Variants in UXS1 observed in about 807,000 individuals in gnomAD.
The protein encoded by UXS1 is UDP-glucuronic acid decarboxylase 1.
UXS1 carries 33 observed loss-of-function variants against 62.6 expected under a neutral mutation model. The observed-to-expected ratio is 0.53, with a 90% CI of 0.40 to 0.70. UXS1 has a LOEUF of 0.70. UXS1 is among the 30% of genes least tolerant of loss of function. The pLI, the probability that UXS1 is intolerant of heterozygous loss-of-function variation, is 0.00. For missense variants in UXS1, 434 were observed against 556.3 expected (o/e 0.78, Z 2.21); for synonymous variants, 213 against 206.8 (o/e 1.03, Z -0.26).
At chr2:106,162,297 T>C (rs17032542) in intron 4 of UXS1, among the ~76,000 whole-genome samples, 3,077 of 152,318 alleles carry the variant, frequency 0.02, 41 homozygotes, top group Admixed American at 0.05. Context: ...TTTGTGCTTC[T>C]CCATCCAGTT....
Position 106,094,150 on chromosome 2 carries a change from A to G in UXS1, c.1154T>C (p.Leu385Pro). The G allele has an allele frequency of 6.2e-7, 1 of 1,610,440 alleles. No individual in the cohort carries two copies. Among genetic ancestry groups the G allele is most frequent in the Non-Finnish European group, 8.5e-7 (1 of 1,179,380 alleles). ...LMLGWEPVVPLEEGLNKAIHY... is the reference protein window; with the variant it reads ...LMLGWEPVVPPEEGLNKAIHY... ...AATTGCTTTGTTTAAACCTTCCTCC[A>G]GCGGGACCTGTTTAAAGGGAAAGCA... Residue 385 changes from leucine to proline, a missense_variant, in exon 15 of 15, where the codon CTG becomes CCG. Physicochemically the swap from Leu to Pro is moderately conservative, Grantham distance 98 (BLOSUM62 -3). Around this residue, in one of 3 missense-constraint regions of UXS1, gnomAD observed 209 missense variants for 233.3 expected, o/e 0.90. Transcript: ENST00000283148.
chr2:106,162,031 A>C (rs1682930093), intron 4 of UXS1, among the ~76,000 whole-genome samples: 1 of 152,214 alleles, frequency 6.6e-6, no homozygotes, highest in East Asian at 1.9e-4. Flanking sequence ...GAGTCAGGAA[A>C]AGTAAGCTAG....
intron 1 of UXS1, among the ~76,000 whole-genome samples, chr2:106,180,795 G>C (rs1447107754): frequency 6.6e-6 from 1 of 152,166 alleles, no homozygotes; most frequent in Non-Finnish European, 1.5e-5. Context: ...CTTTGATCCT[G>C]CAAATTACTA....
intron 14 of UXS1, among the ~76,000 whole-genome samples, chr2:106,095,951 G>A (rs756332194): frequency 1.3e-5 from 2 of 152,200 alleles, no homozygotes; most frequent in Non-Finnish European, 2.9e-5. Context: ...GGCAGCAGCC[G>A]CCCCACCCTG....
intron 1 of UXS1, among the ~76,000 whole-genome samples, chr2:106,190,561 C>G (rs1684856511): frequency 6.6e-6 from 1 of 152,046 alleles, no homozygotes; most frequent in African/African-American, 2.4e-5. Context: ...GCCTGACCAA[C>G]ATGGAGAAAC....
chr2:106,184,528 A>C (rs980660065), intron 1 of UXS1, among the ~76,000 whole-genome samples: 3 of 152,210 alleles, frequency 2.0e-5, no homozygotes, highest in Non-Finnish European at 4.4e-5. Context: ...ACAGTTATGA[A>C]GGTTGGGAAG....
rs1313034781 is a variant in UXS1, at chr2:106,094,151, G to GC, written c.1152dup (p.Leu385AlafsTer14). On this transcript the variant is annotated frameshift_variant, in exon 15 of 15. Coordinates refer to ENST00000283148, the MANE Select transcript of UXS1 (RefSeq NM_001253875.2). LOFTEE classifies it high-confidence loss of function. ...ATTGCTTTGTTTAAACCTTCCTCCA[G>GC]CGGGACCTGTTTAAAGGGAAAGCAA... The GC allele has an allele frequency of 6.2e-7, 1 of 1,609,608 alleles. No individual in the cohort carries two copies. The highest frequency in any genetic ancestry group is 2.2e-5 in the East Asian group (1 of 44,714).
Position 106,094,012 on chromosome 2 carries a change from TA to T in UXS1, c.*13del. ...AGTGTACAATGGTAGTCTTGTGTCC[TA>T]AAAGTGAGGAGTTCAGCTGTGGCGA... On this transcript the variant is annotated 3_prime_UTR_variant, in exon 15 of 15. Transcript: ENST00000283148. 3.7e-6 allele frequency: 6 copies of T among 1,603,682 alleles called. No individual in the cohort carries two copies. Among genetic ancestry groups the T allele is most frequent in the Non-Finnish European group, 4.2e-6 (5 of 1,177,290 alleles).
chr2:106,187,834 G>A (rs371493666), intron 1 of UXS1, among the ~76,000 whole-genome samples: 119 of 150,992 alleles, frequency 7.9e-4, no homozygotes, highest in Admixed American at 2.5e-3. Flanking sequence ...TTCCGCCTCC[G>A]GGTTCACGAG....
chr2:106,119,458 AACTGAGATTAAACGG>A (rs1679341167), intron 9 of UXS1, among the ~76,000 whole-genome samples: 1 of 152,116 alleles, frequency 6.6e-6, no homozygotes, highest in African/African-American at 2.4e-5. Context: ...GCGGGGAATT[AACTGAGATTAAACGG>A]ACTGAGCCCT....
chr2:106,156,505 A>G (rs1368825808), intron 5 of UXS1, among the ~76,000 whole-genome samples: 4 of 152,212 alleles, frequency 2.6e-5, no homozygotes, highest in East Asian at 3.8e-4. Flanking sequence ...GAGTCACCCT[A>G]TGACACATAT....
intron 1 of UXS1, among the ~76,000 whole-genome samples, chr2:106,175,404 T>TAATAA (rs1177241030): frequency 6.6e-6 from 1 of 152,220 alleles, no homozygotes; most frequent in Non-Finnish European, 1.5e-5. Context: ...GGAGCCTTTA[T>TAATAA]ACCCAAAGGG....
intron 1 of UXS1, among the ~76,000 whole-genome samples, chr2:106,169,978 G>C (rs1436431911): frequency 6.6e-6 from 1 of 152,174 alleles, no homozygotes; most frequent in Non-Finnish European, 1.5e-5. Context: ...ATATGGACCA[G>C]ATCCACTTCT....
intron 13 of UXS1, 31 bp from the exon 14 acceptor site, chr2:106,096,852 G>C: frequency 6.4e-7 from 1 of 1,551,862 alleles, no homozygotes. Flanking sequence ...AAAGGTAGGA[G>C]AGAATCACAA....
At chr2:106,174,099 G>C (rs1156926928) in intron 1 of UXS1, among the ~76,000 whole-genome samples, 1 of 151,044 alleles carries the variant, frequency 6.6e-6, no homozygotes, top group Non-Finnish European at 1.5e-5. Context: ...TGGGGGGGGC[G>C]GGGGCGGGAT....
chr2:106,122,023 T>C (rs1020310020), intron 9 of UXS1, among the ~76,000 whole-genome samples: 5 of 152,234 alleles, frequency 3.3e-5, no homozygotes, highest in African/African-American at 1.2e-4. Context: ...TCCTGGATGC[T>C]GGCCATGCTG....
intron 1 of UXS1, among the ~76,000 whole-genome samples, chr2:106,178,480 G>GTA (rs56154825): frequency 0.025 from 3,806 of 151,368 alleles, 181 homozygotes; most frequent in East Asian, 0.21. Context: ...ACAAGTGTGT[G>GTA]TATATATATA....
At chr2:106,178,522 ATG>A (rs1684037175) in intron 1 of UXS1, among the ~76,000 whole-genome samples, 3 of 480 alleles carry the variant, frequency 6.3e-3, no homozygotes, top group Non-Finnish European at 0.013. Context: ...ATACAAGTCT[ATG>A]TATATGTATG....
chr2:106,145,693 CA>C (rs1681504684), intron 5 of UXS1, among the ~76,000 whole-genome samples: 1 of 152,094 alleles, frequency 6.6e-6, no homozygotes, highest in Non-Finnish European at 1.5e-5. Flanking sequence ...TGTTTTATAA[CA>C]AATGGGATGC....
Sources: allele counts gnomAD v4.1 joint callset (sites outside exome capture counted in the v4.1 genomes callset), GRCh38; gene constraint gnomAD v4.1.1; regional missense constraint gnomAD v4.1.1; transcripts MANE v1.5; gene names NCBI Gene and HGNC (gene_info 2026-07-23, HGNC 2026-07-21).